CREB5: variants seen among roughly 807,000 people sequenced by gnomAD.
The protein encoded by CREB5 is cyclic AMP-responsive element-binding protein 5.
In CREB5, 19 loss-of-function variants were observed where a neutral mutation model predicts 57.1. That is an observed-to-expected ratio of 0.33 (90% confidence interval 0.23 to 0.49). The LOEUF is 0.49. Among genes scored for constraint, CREB5 ranks in the 20% least tolerant of loss-of-function variants. The pLI is 0.99. For synonymous variants in CREB5, 238 were observed against 238.3 expected (o/e 1.00, Z 0.01); for missense variants, 579 against 671.6 (o/e 0.86, Z 1.52).
At chr7:28,697,811 G>A (rs1801651850) in intron 5 of CREB5, among the ~76,000 whole-genome samples, 1 of 152,156 alleles carries the variant, frequency 6.6e-6, no homozygotes, top group Admixed American at 6.5e-5. Context: ...GTCTTCAGTT[G>A]ATGTATGAGC....
intron 4 of CREB5, among the ~76,000 whole-genome samples, chr7:28,515,753 C>T (rs748422878): frequency 5.3e-5 from 8 of 152,076 alleles, no homozygotes; most frequent in Admixed American, 2.6e-4. Flanking sequence ...ATTCTTACTT[C>T]GTACTGGGTT....
intron 5 of CREB5, among the ~76,000 whole-genome samples, chr7:28,618,048 A>G (rs1360131963): frequency 6.6e-6 from 1 of 152,184 alleles, no homozygotes; most frequent in Non-Finnish European, 1.5e-5. Flanking sequence ...ACGTGATAGG[A>G]AGACATCGCT....
intron 4 of CREB5, among the ~76,000 whole-genome samples, chr7:28,530,677 G>A (rs1200957141): frequency 1.3e-5 from 2 of 152,194 alleles, no homozygotes; most frequent in Non-Finnish European, 2.9e-5. Flanking sequence ...TTTCGCCATA[G>A]TTAGCTTTGT....
At chr7:28,633,975 T>C (rs991437608) in intron 5 of CREB5, among the ~76,000 whole-genome samples, 2 of 152,212 alleles carry the variant, frequency 1.3e-5, no homozygotes, top group African/African-American at 4.8e-5. Context: ...AGAAAATCAA[T>C]GTGTCTGAAA....
chr7:28,814,482 T>C (rs562791890), intron 9 of CREB5, among the ~76,000 whole-genome samples: 1 of 152,318 alleles, frequency 6.6e-6, no homozygotes, highest in Admixed American at 6.5e-5. Flanking sequence ...TACTAAGATT[T>C]AGAAGCATAA....
At chr7:28,534,374 C>T (rs932511174) in intron 4 of CREB5, among the ~76,000 whole-genome samples, 2 of 152,240 alleles carry the variant, frequency 1.3e-5, no homozygotes, top group Non-Finnish European at 2.9e-5. Flanking sequence ...CCCGCGAGCC[C>T]TCTCCAGCTC....
intron 3 of CREB5, among the ~76,000 whole-genome samples, chr7:28,497,664 G>A (rs952503960): frequency 6.6e-6 from 1 of 152,170 alleles, no homozygotes; most frequent in Non-Finnish European, 1.5e-5. Context: ...GAGCTATACA[G>A]TCTGGTTCAA....
chr7:28,489,456 C>T (rs920108304), intron 2 of CREB5, among the ~76,000 whole-genome samples: 23 of 151,954 alleles, frequency 1.5e-4, no homozygotes, highest in African/African-American at 3.9e-4. Context: ...CCCGCCACCA[C>T]GCCCGGGTAA....
intron 4 of CREB5, among the ~76,000 whole-genome samples, chr7:28,515,330 G>A (rs577326931): frequency 8.5e-5 from 13 of 152,214 alleles, no homozygotes; most frequent in Admixed American, 3.3e-4. Context: ...CTGTCTTTTG[G>A]ATGTATCCAC....
intron 7 of CREB5, among the ~76,000 whole-genome samples, chr7:28,739,958 C>T (rs914340487): frequency 2.6e-5 from 4 of 152,270 alleles, no homozygotes; most frequent in Non-Finnish European, 5.9e-5. Context: ...AGATCTCATT[C>T]GGCCGTGCCA....
At chr7:28,781,077 T>C (rs903558766) in intron 7 of CREB5, among the ~76,000 whole-genome samples, 2 of 152,188 alleles carry the variant, frequency 1.3e-5, no homozygotes, top group Non-Finnish European at 2.9e-5. Context: ...CTAAAGGAAG[T>C]GTGGACTTCA....
intron 4 of CREB5, among the ~76,000 whole-genome samples, chr7:28,569,157 T>TA (rs1479888508): frequency 2.3e-5 from 3 of 131,814 alleles, no homozygotes; most frequent in Admixed American, 7.2e-5. Flanking sequence ...TTTTCTTTTC[T>TA]TTTTTTTTTT....
chr7:28,464,154 CAACATTGTATTTCTGGGATG>C (rs1281907824), intron 1 of CREB5, among the ~76,000 whole-genome samples: 40 of 152,196 alleles, frequency 2.6e-4, no homozygotes, highest in African/African-American at 9.4e-4. Context: ...GATACTAAGC[CAACATTGTATTTCTGGGATG>C]AATCCCACAT....
rs554583103 is a variant in CREB5 at position 28,672,585 on chromosome 7, C to T, written c.465-46168C>T. On this transcript the variant is annotated intron_variant, in intron 5 of 10. Transcript: ENST00000357727. Reference sequence around the variant, plus strand: ...GTCTTGACCTGGTTAACGGGAAATGCCCTGGGCCTCAGACCCAAGGCTGAC... The same window carrying T: ...GTCTTGACCTGGTTAACGGGAAATGTCCTGGGCCTCAGACCCAAGGCTGAC... Among the ~76,000 whole-genome samples, 13 of 152,306 alleles carry T rather than the reference C, an allele frequency of 8.5e-5. No homozygotes were observed. The South Asian group carries it at 2.5e-3, about 29-fold the overall frequency.
chr7:28,600,533 G>T (rs988615495), intron 5 of CREB5, among the ~76,000 whole-genome samples: 7 of 152,158 alleles, frequency 4.6e-5, no homozygotes, highest in Non-Finnish European at 1.0e-4. Context: ...GGGAGGGGAT[G>T]ATGAGGAGGA....
At chr7:28,739,043 G>A (rs990790541) in intron 7 of CREB5, among the ~76,000 whole-genome samples, 4 of 152,130 alleles carry the variant, frequency 2.6e-5, no homozygotes, top group Admixed American at 6.6e-5. Context: ...TAAGTATGTT[G>A]TGATAAATAT....
intron 1 of CREB5, among the ~76,000 whole-genome samples, chr7:28,441,476 T>A (rs1789181451): frequency 1.3e-5 from 2 of 152,342 alleles, no homozygotes; most frequent in South Asian, 4.1e-4. Context: ...AAAGTCGGGC[T>A]AATATTTATT....
chr7:28,697,148 A>T (rs1801619786), intron 5 of CREB5, among the ~76,000 whole-genome samples: 1 of 152,094 alleles, frequency 6.6e-6, no homozygotes, highest in South Asian at 2.1e-4. Flanking sequence ...TGGATATCTG[A>T]TATATTAGAT....
chr7:28,590,898 G>A (rs910286435), intron 5 of CREB5, among the ~76,000 whole-genome samples: 3 of 152,024 alleles, frequency 2.0e-5, no homozygotes, highest in Non-Finnish European at 4.4e-5. Flanking sequence ...TATCATCATC[G>A]TTATCACTAA....
Sources: allele counts gnomAD v4.1 joint callset (sites outside exome capture counted in the v4.1 genomes callset), GRCh38; gene constraint gnomAD v4.1.1; transcripts MANE v1.5; gene names NCBI Gene and HGNC (gene_info 2026-07-23, HGNC 2026-07-21).